PRKG2: variants seen among roughly 807,000 people sequenced by gnomAD.
PRKG2 encodes the protein protein kinase cGMP-dependent 2.
In PRKG2, 33 loss-of-function variants were observed where a neutral mutation model predicts 97.2. The ratio of observed to expected loss-of-function variants is 0.34; its 90% CI spans 0.26 to 0.45. PRKG2 has a LOEUF of 0.45. Among genes scored for constraint, PRKG2 ranks in the 20% least tolerant of loss-of-function variants. The pLI is 1.00. For synonymous variants in PRKG2, 330 were observed against 321.8 expected (o/e 1.03, Z -0.27); for missense variants, 638 against 900.0 (o/e 0.71, Z 3.73).
rs112646216 is a variant in PRKG2 at position 81,160,850 on chromosome 4, C to A, written c.912+6311G>T. On this transcript the variant is annotated intron_variant, in intron 6 of 18. Coordinates refer to ENST00000264399, the MANE Select transcript of PRKG2 (RefSeq NM_006259.3). Reference sequence around the variant, plus strand: ...CTATCCACCTGTCAGACCAAAAGAGCGACTAAATATCTCAGAAAACAAAGG... The same window carrying A: ...CTATCCACCTGTCAGACCAAAAGAGAGACTAAATATCTCAGAAAACAAAGG... Among the ~76,000 whole-genome samples, 12 of 152,128 alleles carry A rather than the reference C, an allele frequency of 7.9e-5. No individual in the cohort carries two copies. In the South Asian group the frequency reaches 2.3e-3, roughly 29 times the overall value.
intron 2 of PRKG2, among the ~76,000 whole-genome samples, chr4:81,186,882 G>A (rs1047785969): frequency 6.6e-6 from 1 of 152,018 alleles, no homozygotes; most frequent in Non-Finnish European, 1.5e-5. Flanking sequence ...TAGAAGAAAT[G>A]GATAAATACC....
chr4:81,120,359 A>G (rs1472620623), intron 14 of PRKG2, among the ~76,000 whole-genome samples: 1 of 152,228 alleles, frequency 6.6e-6, no homozygotes, highest in Non-Finnish European at 1.5e-5. Context: ...TGAATCACTC[A>G]TTGATCAGTT....
rs201642317 is a variant in PRKG2, at chr4:81,119,678, ATT to A, written c.1777-9069_1777-9068del. 2.2e-4 allele frequency among the ~76,000 whole-genome samples: 31 copies of A among 144,116 alleles called. 1 individual carries two copies. Among genetic ancestry groups the A allele is most frequent in the African/African-American group, 4.3e-4 (17 of 39,490 alleles). 94.5% of individuals were successfully genotyped at this position (144,116 alleles called of 152,430 possible). On this transcript the variant is annotated intron_variant, in intron 14 of 18. Coordinates refer to ENST00000264399, the MANE Select transcript of PRKG2 (RefSeq NM_006259.3). ...GAGATTTTGATTGAAACTGAATTGA[ATT>A]TTTTTTTTTTTTTAGGCGGAGTCTT...
chr4:81,137,840 G>C (rs1338956597), intron 12 of PRKG2, among the ~76,000 whole-genome samples: 1 of 152,068 alleles, frequency 6.6e-6, no homozygotes, highest in Non-Finnish European at 1.5e-5. Flanking sequence ...CAAAACCTTA[G>C]AGACCTCTGA....
Position 81,101,390 on chromosome 4 carries a change from A to G in PRKG2, c.2126+2980T>C, listed in dbSNP as rs537290610. 2.7e-3 allele frequency among the ~76,000 whole-genome samples: 406 copies of G among 152,342 alleles called. 2 individuals are homozygous for G. The highest frequency in any genetic ancestry group is 9.3e-3 in the African/African-American group (386 of 41,578). On this transcript the variant is annotated intron_variant, in intron 17 of 18. Coordinates refer to ENST00000264399, the MANE Select transcript of PRKG2 (RefSeq NM_006259.3). Reference sequence around the variant, plus strand: ...ACCATGGAACACTATGCAGCCATAAAAAATGATGAGTTCATGTCCTTTGTA... The same window carrying G: ...ACCATGGAACACTATGCAGCCATAAGAAATGATGAGTTCATGTCCTTTGTA...
upstream of PRKG2, among the ~76,000 whole-genome samples, chr4:81,215,286 G>A (rs1293181186): frequency 6.6e-6 from 1 of 152,176 alleles, no homozygotes; most frequent in Non-Finnish European, 1.5e-5. Context: ...GTCAGCCGGG[G>A]CTACTGCCTG....
chr4:81,100,487 G>A (rs1742628737), intron 17 of PRKG2, among the ~76,000 whole-genome samples: 1 of 152,130 alleles, frequency 6.6e-6, no homozygotes, highest in Non-Finnish European at 1.5e-5. Context: ...TTAATAAATG[G>A]TGCTGGGAAA....
chr4:81,115,321 C>G (rs1244157740), intron 14 of PRKG2, among the ~76,000 whole-genome samples: 1 of 152,164 alleles, frequency 6.6e-6, no homozygotes, highest in Admixed American at 6.5e-5. Context: ...TCACTGTGGT[C>G]TTAACTTGCC....
At chr4:81,186,364 G>A (rs1365969560) in intron 2 of PRKG2, among the ~76,000 whole-genome samples, 1 of 152,178 alleles carries the variant, frequency 6.6e-6, no homozygotes, top group Non-Finnish European at 1.5e-5. Flanking sequence ...ACCTGCTCCT[G>A]AATGACTACT....
chr4:81,157,792 T>C (rs1242868529), intron 6 of PRKG2, among the ~76,000 whole-genome samples: 7 of 151,204 alleles, frequency 4.6e-5, no homozygotes, highest in Admixed American at 4.6e-4. Context: ...AATCAATAGA[T>C]GTAATCCAGC....
intron 2 of PRKG2, among the ~76,000 whole-genome samples, chr4:81,180,521 A>C (rs1444430944): frequency 1.3e-5 from 2 of 152,198 alleles, no homozygotes; most frequent in Non-Finnish European, 2.9e-5. Context: ...AATAAAAAAC[A>C]TATTTCTAGA....
intron 2 of PRKG2, among the ~76,000 whole-genome samples, chr4:81,189,724 C>T (rs1752302773): frequency 6.6e-6 from 1 of 150,746 alleles, no homozygotes; most frequent in Non-Finnish European, 1.5e-5. Context: ...AACTAACCTG[C>T]ACGTTGTGCA....
intron 15 of PRKG2, among the ~76,000 whole-genome samples, chr4:81,108,021 A>G (rs1258428638): frequency 1.3e-5 from 2 of 152,170 alleles, no homozygotes; most frequent in African/African-American, 4.8e-5. Flanking sequence ...CCTGGCCAAC[A>G]TGACAAAACC....
At chr4:81,158,794 C>T (rs998445412) in intron 6 of PRKG2, among the ~76,000 whole-genome samples, 1 of 152,100 alleles carries the variant, frequency 6.6e-6, no homozygotes, top group Non-Finnish European at 1.5e-5. Flanking sequence ...AATAACGTCA[C>T]ATATCTACAA....
chr4:81,217,412 G>C (rs1381417845), upstream of PRKG2, among the ~76,000 whole-genome samples: 6 of 152,068 alleles, frequency 3.9e-5, no homozygotes, highest in Non-Finnish European at 5.9e-5. Flanking sequence ...GAGTTTGAGG[G>C]GGAACCTAAG....
At chr4:81,131,017 G>A (rs559290568) in intron 14 of PRKG2, among the ~76,000 whole-genome samples, 1 of 152,274 alleles carries the variant, frequency 6.6e-6, no homozygotes, top group East Asian at 1.9e-4. Flanking sequence ...TGCATTCCAA[G>A]TGCCACTGGG....
At chr4:81,163,600 C>A (rs1176982863) in intron 6 of PRKG2, among the ~76,000 whole-genome samples, 2 of 151,978 alleles carry the variant, frequency 1.3e-5, no homozygotes, top group East Asian at 3.9e-4. Flanking sequence ...TGAGTTGTAG[C>A]CCATTTTTAC....
intron 14 of PRKG2, among the ~76,000 whole-genome samples, chr4:81,131,005 C>T (rs748122756): frequency 3.3e-5 from 5 of 152,168 alleles, no homozygotes; most frequent in Non-Finnish European, 7.3e-5. Flanking sequence ...TTCTGTCTCA[C>T]TTGCATTCCA....
At position 81,204,644 on chromosome 4, in the gene PRKG2, T is replaced by A. The variant is rs1560628014; in HGVS notation, c.404A>T (p.Asp135Val). 3 of 1,614,180 alleles carry A rather than the reference T, an allele frequency of 1.9e-6. No homozygotes were observed. Among genetic ancestry groups the A allele is most frequent in the Non-Finnish European group, 2.5e-6 (3 of 1,180,036 alleles). The change falls in exon 2 of 19, where the codon GAC (aspartate) becomes GTC (valine). Residue 135 changes from aspartate to valine, a missense_variant. Asp to Val is a radical substitution (Grantham distance 152). Around this residue, in one of 3 missense-constraint regions of PRKG2, gnomAD observed 332 missense variants for 421.7 expected, o/e 0.79. Coordinates refer to ENST00000264399, the MANE Select transcript of PRKG2 (RefSeq NM_006259.3). ...GGAAAATTCAGGGGGTTTGTTCAGG[T>A]CATAGGTCCGGGTTGTTGGCTCAGC... Reference protein sequence around the residue: ...VSAEPTTRTYDLNKPPEFSFE... With the variant: ...VSAEPTTRTYVLNKPPEFSFE...
Sources: gnomAD v4.1 joint callset for allele counts (sites outside exome capture counted in the v4.1 genomes callset) on GRCh38, gnomAD v4.1.1 for gene constraint, gnomAD v4.1.1 regional missense constraint, MANE v1.5 for transcripts, NCBI Gene and HGNC (gene_info 2026-07-23, HGNC 2026-07-21) for gene names.